The following ATM variants were observed in gnomAD, a reference collection of about 807,000 sequenced individuals.
ATM encodes serine-protein kinase ATM.
ATM carries 308 observed loss-of-function variants against 387.0 expected under a neutral mutation model. The observed-to-expected ratio is 0.80, with a 90% CI of 0.73 to 0.87. The LOEUF is 0.87. ATM is among the 40% of genes least tolerant of loss of function. The probability of loss-of-function intolerance (pLI) is 0.00; values close to 1 mark genes in which losing one functional copy is unlikely to be tolerated. For synonymous variants in ATM, 1,156 were observed against 1,187.3 expected, an observed-to-expected ratio of 0.97 and a Z score of 0.54; for missense variants, 3,312 against 3,560.9, an observed-to-expected ratio of 0.93 and a Z score of 1.78.
At chr11:108,288,421 A>T (rs941520187) in intron 27 of ATM, among the ~76,000 whole-genome samples, 9 of 149,834 alleles carry the variant, frequency 6.0e-5, no homozygotes, top group Non-Finnish European at 1.2e-4. Flanking sequence ...TTTAATTTGG[A>T]TGTGAATGTC....
chr11:108,241,207 C>T (rs1039995098), intron 5 of ATM, among the ~76,000 whole-genome samples: 4 of 152,310 alleles, frequency 2.6e-5, no homozygotes, highest in Non-Finnish European at 5.9e-5. Context: ...CTTTCATCTC[C>T]TATGATAATG....
chr11:108,313,538 C>T (rs1402624058), intron 40 of ATM, among the ~76,000 whole-genome samples: 1 of 152,198 alleles, frequency 6.6e-6, no homozygotes, highest in Non-Finnish European at 1.5e-5. Flanking sequence ...TACTTCACAT[C>T]ATCAACCATG....
chr11:108,257,701 C>G (rs995297275), intron 15 of ATM, 95 bp downstream of exon 15: 1 of 1,246,350 alleles, frequency 8.0e-7, no homozygotes, highest in African/African-American at 1.5e-5. Context: ...CTCATTGTAG[C>G]CTTGACCTCC....
intron 45 of ATM, among the ~76,000 whole-genome samples, chr11:108,322,339 A>G (rs2085297824): frequency 6.6e-6 from 1 of 152,098 alleles, no homozygotes; most frequent in South Asian, 2.1e-4. Flanking sequence ...CTTTTAATAG[A>G]GACGGGGTTT....
intron 60 of ATM, among the ~76,000 whole-genome samples, chr11:108,354,086 C>CAT (rs1387696394): frequency 6.6e-6 from 1 of 150,994 alleles, no homozygotes; most frequent in African/African-American, 2.5e-5. Flanking sequence ...CACACACACA[C>CAT]ACACACACAC....
chr11:108,257,807 GC>G (rs1270204558), intron 15 of ATM, among the ~76,000 whole-genome samples: 1 of 152,170 alleles, frequency 6.6e-6, no homozygotes, highest in Non-Finnish European at 1.5e-5. Flanking sequence ...TGAAAGTGTA[GC>G]CTATGCAGGG....
chr11:108,352,561 T>C (rs1591300834), intron 59 of ATM, among the ~76,000 whole-genome samples: 1 of 152,194 alleles, frequency 6.6e-6, no homozygotes, highest in Non-Finnish European at 1.5e-5. Flanking sequence ...CTTTAAGAAC[T>C]CTCAAAACTT....
intron 56 of ATM, among the ~76,000 whole-genome samples, chr11:108,338,618 T>C (rs903008155): frequency 6.6e-6 from 1 of 151,966 alleles, no homozygotes; most frequent in Admixed American, 6.6e-5. Flanking sequence ...ATCATGCCAC[T>C]GCAGTCCAGT....
intron 50 of ATM, 70 bp from the exon 51 acceptor site, chr11:108,331,374 T>G: frequency 6.4e-7 from 1 of 1,555,632 alleles, no homozygotes; most frequent in Non-Finnish European, 8.7e-7. Flanking sequence ...TTAAAATAAC[T>G]TACTTGCTTA....
rs1160350816 is a variant in ATM, at chr11:108,229,229, A to T, written c.237A>T (p.Lys79Asn). The change falls in exon 4 of 63, where the codon AAA becomes AAT. Residue 79 changes from lysine (K) to asparagine (N), a missense_variant. Physicochemically the swap from Lys to Asn is moderately conservative, Grantham distance 94 (BLOSUM62 0). Transcript: ENST00000675843. ...AAACAGAATGTCTGAGAATAGCAAA[A>T]CCAAATGTATCAGCCTCAACACAAG... ...QKETECLRIA[K>N]PNVSASTQAS... The T allele has an allele frequency of 6.2e-7, 1 of 1,613,576 alleles. No homozygotes were observed. The highest frequency in any genetic ancestry group is 8.5e-7 in the Non-Finnish European group (1 of 1,179,786).
intron 37 of ATM, among the ~76,000 whole-genome samples, chr11:108,306,835 A>T (rs2083726677): frequency 6.6e-6 from 1 of 152,178 alleles, no homozygotes; most frequent in Non-Finnish European, 1.5e-5. Flanking sequence ...ACTTTTTTAA[A>T]TGTGTACCTT....
At position 108,317,652 on chromosome 11, in the gene ATM, T is replaced by TATATATATACACACACACAC. The variant is rs1399501257; in HGVS notation, c.6347+132_6347+133insTATATATACACACACACACA. 11 of 118,370 alleles carry TATATATATACACACACACAC rather than the reference T, an allele frequency of 9.3e-5. No homozygotes were observed. The South Asian group carries it at 1.2e-3, about 12-fold the overall frequency. The allele number at this position is 118,370 out of a possible 1,614,324, so 7.3% of individuals were successfully genotyped here. ...ATATATATATATATATATATATATA[T>TATATATATACACACACACAC]ACACACACACACACACACACACTAT... On this transcript the variant is annotated intron_variant, in intron 43 of 62. Transcript: ENST00000675843.
chr11:108,321,490 TA>T, intron 45 of ATM, 70 bp downstream of exon 45: 1 of 1,607,314 alleles, frequency 6.2e-7, no homozygotes, highest in Non-Finnish European at 8.5e-7. Flanking sequence ...CTTTAAAAAA[TA>T]AAAACTATAG....
At chr11:108,364,945 A>C in intron 61 of ATM, 137 bp from the exon 62 acceptor site, 1 of 900,748 alleles carries the variant, frequency 1.1e-6, no homozygotes, top group Non-Finnish European at 1.7e-6. Context: ...GGAAACATGA[A>C]GTGTGCATGA....
rs1458241893 is a variant in ATM, at chr11:108,368,860, G to A, written c.*3352G>A. On this transcript the variant is annotated 3_prime_UTR_variant, in exon 63 of 63. Coordinates refer to ENST00000675843, the MANE Select transcript of ATM (RefSeq NM_000051.4). The stretch of plus-strand genomic sequence containing the variant: ...TTAGGAATGCTAAAAATTTAAATAT[G>A]GTCTAAAGCAAATAAAAGCAAAGAG... 1 of 200,558 alleles carries A rather than the reference G, an allele frequency of 5.0e-6. No homozygotes were observed. The highest frequency in any genetic ancestry group is 2.3e-5 in the African/African-American group (1 of 43,392). The allele number at this position is 200,558 out of a possible 1,614,324, so 12.4% of individuals were successfully genotyped here.
chr11:108,256,434 T>C (rs1226099982), intron 14 of ATM, 94 bp downstream of exon 14: 1 of 1,335,436 alleles, frequency 7.5e-7, no homozygotes, highest in Non-Finnish European at 1.0e-6. Context: ...CATTAAATTT[T>C]ATGCAGGTTA....
At chr11:108,231,271 G>C (rs2078999330) in intron 4 of ATM, among the ~76,000 whole-genome samples, 1 of 152,098 alleles carries the variant, frequency 6.6e-6, no homozygotes, top group African/African-American at 2.4e-5. Context: ...CCAAAATGCA[G>C]GATCCTGGCA....
At chr11:108,311,007 G>A (rs1469012705) in intron 39 of ATM, among the ~76,000 whole-genome samples, 8 of 152,022 alleles carry the variant, frequency 5.3e-5, no homozygotes, top group Non-Finnish European at 8.8e-5. Context: ...TCATTATTTC[G>A]CCCAGGCTGT....
chr11:108,359,808 G>GA lies in ATM; in HGVS notation c.8850+4937dup, dbSNP rs2090485698. On this transcript the variant is annotated intron_variant, in intron 61 of 62. Transcript: ENST00000675843. ...ACACATTCAAAGCAGTGTGTAGAGGGAAATTTATAGCACTAAATGCCCACA... is the reference window on the plus strand; with the variant it reads ...ACACATTCAAAGCAGTGTGTAGAGGGAAAATTTATAGCACTAAATGCCCACA... Among the ~76,000 whole-genome samples, 13 of 152,128 alleles carry GA rather than the reference G, an allele frequency of 8.5e-5. 1 individual carries two copies. In the South Asian group the frequency reaches 2.7e-3, roughly 32 times the overall value.
Sources: allele counts gnomAD v4.1 joint callset (sites outside exome capture counted in the v4.1 genomes callset), GRCh38; gene constraint gnomAD v4.1.1; transcripts MANE v1.5; gene names NCBI Gene and HGNC (gene_info 2026-07-23, HGNC 2026-07-21).